Variants in SPINK5 observed in about 807,000 individuals in gnomAD.
SPINK5 encodes the protein serine protease inhibitor Kazal-type 5.
A neutral mutation model predicts 151.8 loss-of-function variants in SPINK5; 125 were observed. The observed-to-expected ratio is 0.82, with a 90% CI of 0.71 to 0.96. SPINK5 has a LOEUF of 0.96. Ranked by LOEUF, SPINK5 falls within the 40% of genes least tolerant of loss-of-function variation. The pLI is 0.00. For missense variants in SPINK5, 1,194 were observed against 1,291.9 expected (o/e 0.92, Z 1.16); for synonymous variants, 374 against 395.3 (o/e 0.95, Z 0.64).
In SPINK5 at chr5:148,086,674, A is replaced by G. The variant is rs1042000189; in HGVS notation, c.410+142A>G. 1.9e-5 allele frequency: 20 copies of G among 1,058,818 alleles called. No homozygotes were observed. The African/African-American group carries it at 2.7e-4, about 14-fold the overall frequency. The allele number at this position is 1,058,818 out of a possible 1,614,324, so 65.6% of individuals were successfully genotyped here. The stretch of plus-strand genomic sequence containing the variant: ...CTAAATTATTAGTACCACTTCTTTT[A>G]CTACTCTTAAGACAAATAAAGGTGT... On this transcript the variant is annotated intron_variant, in intron 5 of 32. Transcript: ENST00000256084.
intron 30 of SPINK5, among the ~76,000 whole-genome samples, chr5:148,130,445 T>C (rs1280007393): frequency 6.6e-6 from 1 of 152,122 alleles, no homozygotes; most frequent in African/African-American, 2.4e-5. Context: ...TACCATTGGA[T>C]TTAAGTCTTC....
chr5:148,119,488 A>G (rs545899225), intron 24 of SPINK5, among the ~76,000 whole-genome samples: 7 of 152,202 alleles, frequency 4.6e-5, no homozygotes, highest in Non-Finnish European at 7.3e-5. Context: ...TAAGTTTTAA[A>G]TGGTCTGATT....
At chr5:148,093,766 A>T (rs746187414) in intron 8 of SPINK5, among the ~76,000 whole-genome samples, 40 of 151,694 alleles carry the variant, frequency 2.6e-4, no homozygotes, top group Non-Finnish European at 1.6e-4. Context: ...AGAAATACCT[A>T]GTTTTAATCC....
At position 148,120,053 on chromosome 5, in the gene SPINK5, C is replaced by T. The variant is rs17704908; in HGVS notation, c.2358C>T (p.Leu786=). The T allele has an allele frequency of 0.6, 968,424 of 1,612,812 alleles. 295,898 individuals are homozygous for T. The highest frequency in any genetic ancestry group is 0.7 in the Admixed American group (42,268 of 60,000). Residue 786 remains leucine, a synonymous_variant, in exon 25 of 33, where the codon CTC becomes CTT. Coordinates refer to ENST00000256084, the MANE Select transcript of SPINK5 (RefSeq NM_006846.4). ...EFRSQMKNGK[L]ICTRESDPVR... ...GAAGCCAAATGAAAAATGGAAAACT[C>T]ATCTGCACTCGAGAAAGTGACCCTG...
chr5:148,101,449 C>A lies in SPINK5; in HGVS notation c.1302+13C>A, dbSNP rs774406197. ...AGCTTCCTTTGAGGTGAGTTTATAT[C>A]CTCCAGCAACTCAGAGGGATATGGC... On this transcript the variant is annotated intron_variant, in intron 14 of 32. Coordinates refer to ENST00000256084, the MANE Select transcript of SPINK5 (RefSeq NM_006846.4). 12 of 1,590,142 alleles carry A rather than the reference C, an allele frequency of 7.5e-6. No homozygotes were observed. The Admixed American group carries it at 1.3e-4, about 18-fold the overall frequency.
At chr5:148,069,236 A>G (rs1011392993) in intron 2 of SPINK5, among the ~76,000 whole-genome samples, 1 of 151,544 alleles carries the variant, frequency 6.6e-6, no homozygotes, top group African/African-American at 2.4e-5. Context: ...GCAGGACTTT[A>G]ATAATAATAT....
At chr5:148,090,990 C>A in intron 7 of SPINK5, 175 bp from the exon 8 acceptor site, 1 of 606,014 alleles carries the variant, frequency 1.7e-6, no homozygotes, top group South Asian at 2.1e-5. Context: ...TCTTTCTTTC[C>A]TTATCTTTGG....
Position 148,119,036 on chromosome 5 carries a change from G to A in SPINK5, c.2291G>A (p.Gly764Glu), listed in dbSNP as rs373599568. The change falls in exon 24 of 33, where the codon GGG (glycine) becomes GAG (glutamate). Residue 764 changes from glycine (G) to glutamate (E), a missense_variant. Gly to Glu is a moderately conservative substitution (Grantham distance 98). Transcript: ENST00000256084. ...GAGTATTCTCGCTCCAGATCAAATGGGACTGGATCAGAATCAGGGAAGGTG... is the reference window on the plus strand; with the variant it reads ...GAGTATTCTCGCTCCAGATCAAATGAGACTGGATCAGAATCAGGGAAGGTG... ...KNEYSRSRSN[G>E]TGSESGKDTC... 29 of 1,613,998 alleles carry A rather than the reference G, an allele frequency of 1.8e-5. No individual in the cohort carries two copies. Among genetic ancestry groups the A allele is most frequent in the Non-Finnish European group, 2.0e-5 (24 of 1,179,936 alleles).
intron 23 of SPINK5, among the ~76,000 whole-genome samples, 200 bp downstream of exon 23, chr5:148,118,764 G>T (rs1302493580): frequency 6.6e-6 from 1 of 152,104 alleles, no homozygotes; most frequent in East Asian, 1.9e-4. Context: ...GATTTCTATT[G>T]TATTTTCTAT....
At chr5:148,123,251 C>A (rs1160319205) in intron 26 of SPINK5, among the ~76,000 whole-genome samples, 1 of 151,334 alleles carries the variant, frequency 6.6e-6, no homozygotes, top group African/African-American at 2.4e-5. Flanking sequence ...ACTTAGCAGA[C>A]TGAGGTGGGA....
rs962434882 is a variant in SPINK5, at chr5:148,111,799, G to A, written c.1724G>A (p.Arg575Lys). The A allele has an allele frequency of 5.6e-6, 9 of 1,613,910 alleles. No homozygotes were observed. The highest frequency in any genetic ancestry group is 3.3e-5 in the Admixed American group (2 of 59,984). Residue 575 changes from arginine to lysine, a missense_variant, in exon 19 of 33, where the codon AGG becomes AAG. Physicochemically the swap from Arg to Lys is conservative, Grantham distance 26. Coordinates refer to ENST00000256084, the MANE Select transcript of SPINK5 (RefSeq NM_006846.4). Reference sequence around the variant, plus strand: ...TGCAGTGAATATCGTCATTATGTGAGGAATGGACGACTCCCCTGTACCAGA... The same window carrying A: ...TGCAGTGAATATCGTCATTATGTGAAGAATGGACGACTCCCCTGTACCAGA... ...ELCSEYRHYVRNGRLPCTREN... is the reference protein window; with the variant it reads ...ELCSEYRHYVKNGRLPCTREN...
intron 17 of SPINK5, 50 bp from the exon 18 acceptor site, chr5:148,108,702 CA>C: frequency 1.3e-6 from 2 of 1,593,914 alleles, no homozygotes; most frequent in Non-Finnish European, 8.6e-7. Flanking sequence ...AATGTACTAC[CA>C]AAAAGAGTAG....
rs1753639021 is a variant in SPINK5, at chr5:148,101,405, A to G, written c.1271A>G (p.Lys424Arg). ...AAGAAGGAAGGTAAATCAAGAAACA[A>G]AAGACAATCTAAGAGTACAGCTTCC... ...KKKKEGKSRN[K>R]RQSKSTASFE... The change falls in exon 14 of 33, where the codon AAA becomes AGA. Residue 424 changes from lysine (K) to arginine (R), a missense_variant. Physicochemically the swap from Lys to Arg is conservative, Grantham distance 26. Transcript: ENST00000256084. 1.9e-6 allele frequency: 3 copies of G among 1,611,968 alleles called. No homozygotes were observed. The highest frequency in any genetic ancestry group is 2.2e-5 in the South Asian group (2 of 91,060).
rs772944760 is a variant in SPINK5 at position 148,099,278 on chromosome 5, G to T, written c.1055G>T (p.Arg352Ile). 2 of 1,612,380 alleles carry T rather than the reference G, an allele frequency of 1.2e-6. No homozygotes were observed. The highest frequency in any genetic ancestry group is 1.7e-6 in the Non-Finnish European group (2 of 1,179,088). Residue 352 changes from arginine (R) to isoleucine (I), a missense_variant, in exon 12 of 33, where the codon AGA becomes ATA. Physicochemically the swap from Arg to Ile is moderately conservative, Grantham distance 97. Coordinates refer to ENST00000256084, the MANE Select transcript of SPINK5 (RefSeq NM_006846.4). Reference protein sequence around the residue: ...EEKKKAEARARNKRESGKATS... With the variant: ...EEKKKAEARAINKRESGKATS... ...AAGAAAAAGGCTGAAGCACGAGCTA[G>T]AAACAAAAGAGAATCTGGAAAAGCA...
intron 10 of SPINK5, among the ~76,000 whole-genome samples, chr5:148,096,440 T>G (rs1036520498): frequency 6.6e-6 from 1 of 152,030 alleles, no homozygotes; most frequent in Non-Finnish European, 1.5e-5. Context: ...GGTCTCCATC[T>G]TTCTCAATCT....
chr5:148,111,331 G>A (rs1284475162), intron 18 of SPINK5, among the ~76,000 whole-genome samples: 5 of 152,068 alleles, frequency 3.3e-5, no homozygotes, highest in Non-Finnish European at 7.4e-5. Flanking sequence ...AGCCCATTAT[G>A]GCAATACAGG....
In SPINK5 at chr5:148,100,600, G is replaced by C. The variant is rs1375839897; in HGVS notation, c.1220+19G>C. The C allele has an allele frequency of 1.2e-6, 2 of 1,611,842 alleles. No homozygotes were observed. Among genetic ancestry groups the C allele is most frequent in the East Asian group, 4.5e-5 (2 of 44,792 alleles). On this transcript the variant is annotated intron_variant, in intron 13 of 32. Transcript: ENST00000256084. ...TCTTCTTGTGAGTAGCCCTGCAGCTGGGAACATGGAGGAATGATTTTGTTC... is the reference window on the plus strand; with the variant it reads ...TCTTCTTGTGAGTAGCCCTGCAGCTCGGAACATGGAGGAATGATTTTGTTC...
chr5:148,064,021 T>G lies in SPINK5; in HGVS notation c.-24T>G, dbSNP rs1439040628. The G allele has an allele frequency of 6.2e-7, 1 of 1,614,110 alleles. No individual in the cohort carries two copies. Among genetic ancestry groups the G allele is most frequent in the Middle Eastern group, 1.7e-4 (1 of 6,052 alleles). On this transcript the variant is annotated 5_prime_UTR_variant, in exon 1 of 33. It removes the in-frame stop codon of an upstream open reading frame in the 5' UTR. Coordinates refer to ENST00000256084, the MANE Select transcript of SPINK5 (RefSeq NM_006846.4). Reference sequence around the variant, plus strand: ...CTGAGCAATGCATGGAGTGGACCTGTAGGCGACTTGCATCGTCTTCAACAT... The same window carrying G: ...CTGAGCAATGCATGGAGTGGACCTGGAGGCGACTTGCATCGTCTTCAACAT...
chr5:148,125,935 A>G (rs866546666), intron 29 of SPINK5, 85 bp downstream of exon 29: 1 of 1,582,632 alleles, frequency 6.3e-7, no homozygotes, highest in Admixed American at 1.7e-5. Context: ...TTGTATATTT[A>G]TGAACCCCAT....
Sources: allele counts gnomAD v4.1 joint callset (sites outside exome capture counted in the v4.1 genomes callset), GRCh38; gene constraint gnomAD v4.1.1; transcripts MANE v1.5; gene names NCBI Gene and HGNC (gene_info 2026-07-23, HGNC 2026-07-21).